B3GAT2: variants seen among roughly 807,000 people sequenced by gnomAD.
B3GAT2 encodes galactosylgalactosylxylosylprotein 3-beta-glucuronosyltransferase 2.
B3GAT2 carries 26 observed loss-of-function variants against 27.8 expected under a neutral mutation model. That is an observed-to-expected ratio of 0.93 (90% CI 0.68 to 1.30). B3GAT2 has a LOEUF of 1.30. B3GAT2 is among the 50% of genes most tolerant of loss of function. B3GAT2 has a pLI of 0.00. For missense variants in B3GAT2, 458 were observed against 459.0 expected (o/e 1.00, Z 0.02); for synonymous variants, 218 against 195.1 (o/e 1.12, Z -0.98).
chr6:70,932,435 T>C (rs533384120), intron 1 of B3GAT2, among the ~76,000 whole-genome samples: 5 of 152,304 alleles, frequency 3.3e-5, no homozygotes, highest in Admixed American at 1.3e-4. Context: ...AAATGTGGAA[T>C]ATACATATAA....
chr6:70,859,478 A>G lies in B3GAT2; in HGVS notation c.*2185T>C. On this transcript the variant is annotated 3_prime_UTR_variant, in exon 4 of 4. Coordinates refer to ENST00000230053, the MANE Select transcript of B3GAT2 (RefSeq NM_080742.3). ...CCTGATTAGTGATGTAGTTTATGTT[A>G]GTGTCTTTGAAACTGTAAATAAGTC... 2 of 1,080,754 alleles carry G rather than the reference A, an allele frequency of 1.9e-6. No homozygotes were observed. Among genetic ancestry groups the G allele is most frequent in the South Asian group, 3.1e-5 (2 of 63,548 alleles). 66.9% of individuals were successfully genotyped at this position (1,080,754 alleles called of 1,614,324 possible). A position where few individuals can be genotyped will look rare whatever the true frequency, so the allele number is the denominator to read the frequency against.
Position 70,894,207 on chromosome 6 carries a change from A to G in B3GAT2, c.657T>C (p.Arg219=), listed in dbSNP as rs754440723. The change falls in exon 2 of 4, where the codon CGT becomes CGC. Residue 219 remains arginine (R), a synonymous_variant. Transcript: ENST00000230053. ...VGLVGGRRYE[R]PLVENGKVVG... Reference sequence around the variant, plus strand: ...CAACTTTGCCGTTTTCCACCAGCGGACGTTCGTAGCGCCGCCCACCAACCA... The same window carrying G: ...CAACTTTGCCGTTTTCCACCAGCGGGCGTTCGTAGCGCCGCCCACCAACCA... 1 of 1,613,854 alleles carries G rather than the reference A, an allele frequency of 6.2e-7. No individual in the cohort carries two copies. The highest frequency in any genetic ancestry group is 8.5e-7 in the Non-Finnish European group (1 of 1,179,822).
At chr6:70,882,475 TG>T (rs1312575071) in intron 2 of B3GAT2, among the ~76,000 whole-genome samples, 2 of 152,040 alleles carry the variant, frequency 1.3e-5, no homozygotes, top group African/African-American at 4.8e-5. Context: ...CACTCCAGCC[TG>T]GGGGACAGAG....
chr6:70,928,303 A>G (rs868400432), intron 1 of B3GAT2, among the ~76,000 whole-genome samples: 1 of 152,256 alleles, frequency 6.6e-6, no homozygotes, highest in South Asian at 2.1e-4. Flanking sequence ...ACACATTCAA[A>G]AGCTAGCAGA....
chr6:70,946,776 A>G (rs1765492003), intron 1 of B3GAT2, among the ~76,000 whole-genome samples: 2 of 151,904 alleles, frequency 1.3e-5, no homozygotes, highest in Admixed American at 1.3e-4. Flanking sequence ...AACAGAATAT[A>G]CATTTTTTTC....
chr6:70,874,269 G>C (rs1184289171), intron 2 of B3GAT2, among the ~76,000 whole-genome samples: 1 of 152,120 alleles, frequency 6.6e-6, no homozygotes, highest in Non-Finnish European at 1.5e-5. Flanking sequence ...TAAAGTCTGT[G>C]TTCTTTGCTG....
chr6:70,866,181 C>T (rs1366254161), intron 2 of B3GAT2, among the ~76,000 whole-genome samples: 1 of 152,162 alleles, frequency 6.6e-6, no homozygotes. Flanking sequence ...TTCCCATTCT[C>T]AGTAGCCAGA....
At chr6:70,947,707 G>A (rs1765515051) in intron 1 of B3GAT2, among the ~76,000 whole-genome samples, 1 of 151,566 alleles carries the variant, frequency 6.6e-6, no homozygotes, top group Admixed American at 6.6e-5. Context: ...TAGAAAAAGA[G>A]GGAATCCTCC....
At position 70,922,321 on chromosome 6, in the gene B3GAT2, A is replaced by G. The variant is rs113732126; in HGVS notation, c.592-28049T>C. Among the ~76,000 whole-genome samples the G allele has an allele frequency of 9.3e-3, 1,420 of 152,358 alleles. 10 individuals are homozygous for G. The highest frequency in any genetic ancestry group is 0.048 in the Middle Eastern group (14 of 292). ...AATAAGCACATGAAATATCTGTAGG[A>G]ATATAGAACATCTGAGCAGCACTCA... On this transcript the variant is annotated intron_variant, in intron 1 of 3. Coordinates refer to ENST00000230053, the MANE Select transcript of B3GAT2 (RefSeq NM_080742.3).
intron 1 of B3GAT2, 45 bp downstream of exon 1, chr6:70,955,794 C>G: frequency 1.3e-6 from 2 of 1,509,944 alleles, no homozygotes; most frequent in South Asian, 2.5e-5. Context: ...GGCCCGGAGG[C>G]CCACTCCCGC....
chr6:70,916,180 C>T (rs1772770050), intron 1 of B3GAT2, among the ~76,000 whole-genome samples: 1 of 151,766 alleles, frequency 6.6e-6, no homozygotes. Context: ...TGGGAGTTCA[C>T]TCATGATTTG....
At chr6:70,870,723 A>G (rs1488873084) in intron 2 of B3GAT2, among the ~76,000 whole-genome samples, 2 of 152,152 alleles carry the variant, frequency 1.3e-5, no homozygotes, top group African/African-American at 4.8e-5. Context: ...ATAAATGGAG[A>G]TAGTTTTACT....
At chr6:70,955,123 A>G (rs1478247000) in intron 1 of B3GAT2, among the ~76,000 whole-genome samples, 1 of 152,266 alleles carries the variant, frequency 6.6e-6, no homozygotes, top group East Asian at 1.9e-4. Context: ...GGGCTGCAAA[A>G]AAGACGTAAC....
At chr6:70,926,100 A>C (rs1215434025) in intron 1 of B3GAT2, among the ~76,000 whole-genome samples, 1 of 152,220 alleles carries the variant, frequency 6.6e-6, no homozygotes, top group African/African-American at 2.4e-5. Context: ...TAGAAGGAAA[A>C]CTAACAAAGC....
intron 2 of B3GAT2, among the ~76,000 whole-genome samples, chr6:70,892,883 C>T (rs1206184078): frequency 3.9e-5 from 6 of 152,318 alleles, no homozygotes; most frequent in Admixed American, 3.3e-4. Context: ...GGCTCAGCTG[C>T]CTCTCCTTCT....
intron 1 of B3GAT2, among the ~76,000 whole-genome samples, chr6:70,917,379 T>C (rs1018757396): frequency 6.6e-6 from 1 of 152,076 alleles, no homozygotes; most frequent in African/African-American, 2.4e-5. Flanking sequence ...TTTTTAAGGG[T>C]TTTTTGTGTC....
rs923225037 is a variant in B3GAT2, at chr6:70,860,261, A to G, written c.*1402T>C. The G allele has an allele frequency of 6.2e-7, 1 of 1,613,840 alleles. No homozygotes were observed. On this transcript the variant is annotated 3_prime_UTR_variant, in exon 4 of 4. Transcript: ENST00000230053. ...GCAACCCCTACTGCAGGTTTTGGCCAGCCCTCCAGCACAACAGCAGGATGG... is the reference window on the plus strand; with the variant it reads ...GCAACCCCTACTGCAGGTTTTGGCCGGCCCTCCAGCACAACAGCAGGATGG...
rs767393481 is a variant in B3GAT2, at chr6:70,861,985, G to GAA, written c.737-9_737-8dup. ...TGAAGACTTACAGCAAATCCTTTGTGAAAAATAAAAAAAAAAAAGAGACTT... is the reference window on the plus strand; with the variant it reads ...TGAAGACTTACAGCAAATCCTTTGTGAAAAAAATAAAAAAAAAAAAGAGACTT... On this transcript the variant is annotated splice_polypyrimidine_tract_variant and splice_region_variant and intron_variant, in intron 2 of 3. Coordinates refer to ENST00000230053, the MANE Select transcript of B3GAT2 (RefSeq NM_080742.3). 1 of 1,545,868 alleles carries GAA rather than the reference G, an allele frequency of 6.5e-7. No individual in the cohort carries two copies. Among genetic ancestry groups the GAA allele is most frequent in the Non-Finnish European group, 8.7e-7 (1 of 1,149,492 alleles).
rs1417268808 is a variant in B3GAT2 at position 70,859,282 on chromosome 6, G to A, written c.*2381C>T. The A allele has an allele frequency of 1.4e-6, 2 of 1,380,650 alleles. No individual in the cohort carries two copies. The highest frequency in any genetic ancestry group is 2.3e-5 in the Admixed American group (1 of 43,596). 85.5% of individuals were successfully genotyped at this position (1,380,650 alleles called of 1,614,324 possible). On this transcript the variant is annotated 3_prime_UTR_variant, in exon 4 of 4. Transcript: ENST00000230053. The stretch of plus-strand genomic sequence containing the variant: ...CTGAAGCACACCCAGCTCAGGTTAA[G>A]GTGCTAGATGAACCAGGAAGGAGTT...
Sources: gnomAD v4.1 joint callset for allele counts (sites outside exome capture counted in the v4.1 genomes callset) on GRCh38, gnomAD v4.1.1 for gene constraint, MANE v1.5 for transcripts, NCBI Gene and HGNC (gene_info 2026-07-23, HGNC 2026-07-21) for gene names.